MALRD1: variants seen among roughly 807,000 people sequenced by gnomAD.
The protein encoded by MALRD1 is MAM and LDL receptor class A domain containing 1.
In MALRD1, 247 loss-of-function variants were observed where a neutral mutation model predicts 242.1. The observed-to-expected ratio is 1.02, with a 90% CI of 0.92 to 1.13. MALRD1 has a LOEUF of 1.13. Ranked by LOEUF, MALRD1 falls within the 50% of genes most tolerant of loss-of-function variation. MALRD1 has a pLI of 0.00. For synonymous variants in MALRD1, 995 were observed against 866.6 expected (o/e 1.15, Z -2.60); for missense variants, 2,989 against 2,533.1 (o/e 1.18, Z -3.86).
At chr10:19,637,025 C>G (rs1402873878) in intron 36 of MALRD1, among the ~76,000 whole-genome samples, 2 of 151,738 alleles carry the variant, frequency 1.3e-5, no homozygotes, top group Admixed American at 6.6e-5. Context: ...CCAGAAATGA[C>G]TTAGGATGAA....
At chr10:19,314,753 T>C (rs190957188) in intron 21 of MALRD1, among the ~76,000 whole-genome samples, 18 of 151,612 alleles carry the variant, frequency 1.2e-4, no homozygotes, top group African/African-American at 3.9e-4. Flanking sequence ...TAGAGTTGAA[T>C]AGTTATAACA....
intron 4 of MALRD1, among the ~76,000 whole-genome samples, chr10:19,103,051 G>C (rs1157327299): frequency 6.6e-6 from 1 of 151,842 alleles, no homozygotes; most frequent in Non-Finnish European, 1.5e-5. Flanking sequence ...GTTTCACCAT[G>C]TTTGCCCGGC....
chr10:19,618,285 A>G (rs1839257912), intron 36 of MALRD1, among the ~76,000 whole-genome samples: 1 of 152,102 alleles, frequency 6.6e-6, no homozygotes, highest in African/African-American at 2.4e-5. Context: ...ATAGTGCTGC[A>G]GTGAACATAC....
chr10:19,349,770 A>G (rs965986977), intron 25 of MALRD1, among the ~76,000 whole-genome samples: 3 of 152,194 alleles, frequency 2.0e-5, no homozygotes, highest in Non-Finnish European at 2.9e-5. Flanking sequence ...CTAATTAAAT[A>G]TTAAATACAA....
At chr10:19,590,445 A>G (rs1233507550) in intron 33 of MALRD1, among the ~76,000 whole-genome samples, 2 of 150,320 alleles carry the variant, frequency 1.3e-5, no homozygotes, top group East Asian at 3.9e-4. Context: ...AGATCTATCT[A>G]TAGATCTGTC....
chr10:19,102,816 G>A (rs916424247), intron 4 of MALRD1, among the ~76,000 whole-genome samples: 1 of 151,538 alleles, frequency 6.6e-6, no homozygotes, highest in Non-Finnish European at 1.5e-5. Context: ...GCGGTGTCTT[G>A]GGCGGGCTCC....
intron 29 of MALRD1, among the ~76,000 whole-genome samples, chr10:19,451,445 A>T (rs1321085956): frequency 6.6e-6 from 1 of 152,186 alleles, no homozygotes; most frequent in Non-Finnish European, 1.5e-5. Context: ...AATGTCAAAA[A>T]TAATTATAAA....
At chr10:19,636,222 A>G (rs145810265) in intron 36 of MALRD1, among the ~76,000 whole-genome samples, 20 of 152,318 alleles carry the variant, frequency 1.3e-4, no homozygotes, top group African/African-American at 4.3e-4. Context: ...TCAAACTAGA[A>G]TTTCATACCC....
At chr10:19,693,120 A>T (rs1338696404) in intron 38 of MALRD1, among the ~76,000 whole-genome samples, 1 of 152,000 alleles carries the variant, frequency 6.6e-6, no homozygotes, top group Non-Finnish European at 1.5e-5. Context: ...CCAATATCAT[A>T]CTGAATGGGC....
In MALRD1 at chr10:19,369,035, A is replaced by G. The variant is rs540472435; in HGVS notation, c.4441+16738A>G. Among the ~76,000 whole-genome samples the G allele has an allele frequency of 8.4e-4, 125 of 148,282 alleles. No homozygotes were observed. The Middle Eastern group carries it at 0.018, about 21-fold the overall frequency. ...CTCAATGTTAAACAGACAAATAGAT[A>G]CTTTAGCAGATACTCCAGAGGAATA... On this transcript the variant is annotated intron_variant, in intron 26 of 39. Transcript: ENST00000454679.
At chr10:19,062,583 T>G (rs1834854425) in intron 1 of MALRD1, among the ~76,000 whole-genome samples, 1 of 152,148 alleles carries the variant, frequency 6.6e-6, no homozygotes, top group African/African-American at 2.4e-5. Flanking sequence ...ATGACATAGA[T>G]CAACCTTGAA....
chr10:19,693,681 C>T (rs1308540937), intron 38 of MALRD1, among the ~76,000 whole-genome samples: 1 of 152,122 alleles, frequency 6.6e-6, no homozygotes, highest in Non-Finnish European at 1.5e-5. Flanking sequence ...ATGCCATCCC[C>T]ATCAAGCAAC....
intron 34 of MALRD1, among the ~76,000 whole-genome samples, chr10:19,599,799 G>A (rs1312527225): frequency 6.6e-6 from 1 of 152,088 alleles, no homozygotes; most frequent in Non-Finnish European, 1.5e-5. Context: ...CTTGGTAAGA[G>A]GCATGACATT....
chr10:19,410,243 A>C (rs1205198614), intron 28 of MALRD1, among the ~76,000 whole-genome samples: 2 of 152,140 alleles, frequency 1.3e-5, no homozygotes, highest in South Asian at 4.1e-4. Flanking sequence ...TATATTATCC[A>C]ATGTCAAGTT....
intron 17 of MALRD1, among the ~76,000 whole-genome samples, chr10:19,207,903 T>C (rs1836858113): frequency 1.3e-5 from 2 of 152,222 alleles, no homozygotes; most frequent in Admixed American, 6.5e-5. Context: ...TCTTGCACTT[T>C]GGTGCCATTA....
intron 14 of MALRD1, among the ~76,000 whole-genome samples, chr10:19,185,791 C>T (rs1835711607): frequency 6.9e-6 from 1 of 145,368 alleles, no homozygotes; most frequent in Admixed American, 7.0e-5. Context: ...TATAGCAACT[C>T]TCTGCTCTAT....
At chr10:19,275,549 G>A (rs1188099223) in intron 19 of MALRD1, among the ~76,000 whole-genome samples, 1 of 152,102 alleles carries the variant, frequency 6.6e-6, no homozygotes, top group Non-Finnish European at 1.5e-5. Flanking sequence ...GGCGCCTGTA[G>A]TCCCCACTAC....
chr10:19,324,248 T>A (rs1843023186), intron 22 of MALRD1, 143 bp downstream of exon 22: 1 of 782,824 alleles, frequency 1.3e-6, no homozygotes, highest in African/African-American at 1.8e-5. Context: ...GTATATGGAG[T>A]AAAAGCTTTA....
chr10:19,707,786 T>TAAAAAAAAA (rs35967457), intron 38 of MALRD1, among the ~76,000 whole-genome samples: 1 of 60,834 alleles, frequency 1.6e-5, no homozygotes, highest in African/African-American at 4.5e-5. Flanking sequence ...CCATCTGTAC[T>TAAAAAAAAA]AAAAAAAAAA....
Sources: allele counts gnomAD v4.1 joint callset (sites outside exome capture counted in the v4.1 genomes callset), GRCh38; gene constraint gnomAD v4.1.1; transcripts MANE v1.5; gene names NCBI Gene and HGNC (gene_info 2026-07-23, HGNC 2026-07-21).